Variants in CLHC1 observed in about 807,000 individuals in gnomAD.
CLHC1 encodes clathrin heavy chain linker domain-containing protein 1.
CLHC1 carries 72 observed loss-of-function variants against 69.5 expected under a neutral mutation model. The ratio of observed to expected loss-of-function variants is 1.04; its 90% confidence interval spans 0.86 to 1.26. The LOEUF is 1.26. Ranked by LOEUF, CLHC1 falls within the 50% of genes most tolerant of loss-of-function variation. CLHC1 has a pLI of 0.00. For synonymous variants in CLHC1, 223 were observed against 224.3 expected (o/e 0.99, Z 0.05); for missense variants, 790 against 679.3 (o/e 1.16, Z -1.81).
Position 55,206,295 on chromosome 2 carries a change from G to T in CLHC1, c.981C>A (p.Asn327Lys), listed in dbSNP as rs143379405. ...AANSPRRILR[N>K]IGTMNTFKAV... is the part of the protein sequence containing the mutation. ...CCTTAAATGTATTCATTGTACCAAT[G>T]TTTCGAAGAATTCTTCTAGGACTGT... is the stretch of plus-strand genomic sequence containing the variant. Residue 327 changes from asparagine to lysine, a missense_variant, in exon 9 of 13, where the codon AAC becomes AAA. Physicochemically the swap from Asn to Lys is moderately conservative, Grantham distance 94. Transcript: ENST00000401408. 17 of 1,604,746 alleles carry T rather than the reference G, an allele frequency of 1.1e-5. No homozygotes were observed. The highest frequency in any genetic ancestry group is 1.3e-5 in the African/African-American group (1 of 74,714).
chr2:55,179,170 T>C (rs1055845621), intron 11 of CLHC1, among the ~76,000 whole-genome samples: 5 of 152,124 alleles, frequency 3.3e-5, no homozygotes, highest in African/African-American at 1.2e-4. Flanking sequence ...AAAATAATAG[T>C]TAACAACACA....
At chr2:55,194,768 T>C (rs1671241146) in intron 9 of CLHC1, among the ~76,000 whole-genome samples, 2 of 152,138 alleles carry the variant, frequency 1.3e-5, no homozygotes, top group African/African-American at 4.8e-5. Context: ...TGTATATCTG[T>C]ATATATTTAA....
At chr2:55,217,558 T>C (rs1472278852) in intron 4 of CLHC1, among the ~76,000 whole-genome samples, 1 of 42,412 alleles carries the variant, frequency 2.4e-5, no homozygotes, top group African/African-American at 1.5e-4. Context: ...AAAAAATATA[T>C]ATATATATAT....
intron 9 of CLHC1, among the ~76,000 whole-genome samples, chr2:55,204,015 T>C (rs1458653309): frequency 6.6e-6 from 1 of 152,142 alleles, no homozygotes; most frequent in African/African-American, 2.4e-5. Flanking sequence ...CCAGGTGAGG[T>C]GGTTCACACC....
At chr2:55,206,407 A>G (rs1157297648) in intron 8 of CLHC1, 31 bp from the exon 9 acceptor site, 2 of 1,212,510 alleles carry the variant, frequency 1.6e-6, no homozygotes, top group Non-Finnish European at 2.4e-6. Flanking sequence ...AATGCATTAT[A>G]ATGACACAAA....
At position 55,173,933 on chromosome 2, in the gene CLHC1, C is replaced by A. The variant is rs1003158280; in HGVS notation, c.*1857G>T. Among the ~76,000 whole-genome samples the A allele has an allele frequency of 7.3e-5, 11 of 150,658 alleles. No individual in the cohort carries two copies. Among genetic ancestry groups the A allele is most frequent in the African/African-American group, 2.7e-4 (11 of 40,814 alleles). On this transcript the variant is annotated 3_prime_UTR_variant, in exon 13 of 13. Transcript: ENST00000401408. ...TTATATACCTACTTTATCCTCCTGG[C>A]TTTCATGAAGACATTTTTTTTTCTA...
chr2:55,191,627 C>G lies in CLHC1; in HGVS notation c.1007-9883G>C, dbSNP rs372435212. On this transcript the variant is annotated intron_variant, in intron 9 of 12. Coordinates refer to ENST00000401408, the MANE Select transcript of CLHC1 (RefSeq NM_152385.4). Reference sequence around the variant, plus strand: ...TGTGTAGTGTTTTTATTCTATACATCAAGTGGTATAATATCACTTGAGAAT... The same window carrying G: ...TGTGTAGTGTTTTTATTCTATACATGAAGTGGTATAATATCACTTGAGAAT... Among the ~76,000 whole-genome samples the G allele has an allele frequency of 3.2e-4, 49 of 152,110 alleles. 2 individuals are homozygous for G. The East Asian group carries it at 9.3e-3, about 29-fold the overall frequency.
intron 5 of CLHC1, among the ~76,000 whole-genome samples, chr2:55,211,591 G>T (rs760486121): frequency 6.7e-6 from 1 of 149,682 alleles, no homozygotes; most frequent in Non-Finnish European, 1.5e-5. Flanking sequence ...AAATCCTTTA[G>T]TATAGAGTAG....
intron 9 of CLHC1, among the ~76,000 whole-genome samples, chr2:55,197,920 A>C (rs967470546): frequency 6.6e-6 from 1 of 152,216 alleles, no homozygotes. Flanking sequence ...AATTCAAAAT[A>C]GCTGTTTTGA....
intron 3 of CLHC1, among the ~76,000 whole-genome samples, chr2:55,221,317 C>G (rs184073062): frequency 6.6e-6 from 1 of 152,284 alleles, no homozygotes. Context: ...GATTGGTGGG[C>G]AAACTGCAAT....
rs896404381 is a variant in CLHC1 at position 55,175,700 on chromosome 2, A to C, written c.*90T>G. 110 of 783,256 alleles carry C rather than the reference A, an allele frequency of 1.4e-4. No homozygotes were observed. The Middle Eastern group carries it at 2.9e-3, about 20-fold the overall frequency. The allele number at this position is 783,256 out of a possible 1,614,324, so 48.5% of individuals were successfully genotyped here. A position where few individuals can be genotyped will look rare whatever the true frequency, so the allele number is the denominator to read the frequency against. Reference sequence around the variant, plus strand: ...TCTGAGATCTTCTTACTCTAGATTTATTTATAAGTTAGTTACGTTAAAATC... The same window carrying C: ...TCTGAGATCTTCTTACTCTAGATTTCTTTATAAGTTAGTTACGTTAAAATC... On this transcript the variant is annotated 3_prime_UTR_variant, in exon 13 of 13. Transcript: ENST00000401408.
chr2:55,229,722 T>C (rs1675079623), intron 1 of CLHC1, among the ~76,000 whole-genome samples: 1 of 152,190 alleles, frequency 6.6e-6, no homozygotes, highest in African/African-American at 2.4e-5. Flanking sequence ...CTGAGTGAGA[T>C]TCGAAGCCTT....
intron 9 of CLHC1, among the ~76,000 whole-genome samples, chr2:55,200,139 G>A (rs1671800259): frequency 6.8e-6 from 1 of 147,362 alleles, no homozygotes; most frequent in South Asian, 2.1e-4. Context: ...GAGATGGTAG[G>A]ATCACTTGAG....
At position 55,217,873 on chromosome 2, in the gene CLHC1, A is replaced by G. The variant is rs1287763595; in HGVS notation, c.303T>C (p.Gly101=). The G allele has an allele frequency of 6.2e-7, 1 of 1,606,546 alleles. No individual in the cohort carries two copies. Among genetic ancestry groups the G allele is most frequent in the East Asian group, 2.3e-5 (1 of 44,262 alleles). The change falls in exon 4 of 13, where the codon GGT becomes GGC. Residue 101 remains glycine, a synonymous_variant. Transcript: ENST00000401408. ...TTFCLHGKLK[G]LAAEPTALVY... ...CCAAAGCTGTAGGCTCTGCTGCCAAACCTTTAAGTTTTCCATGAAGACAAA... is the reference window on the plus strand; with the variant it reads ...CCAAAGCTGTAGGCTCTGCTGCCAAGCCTTTAAGTTTTCCATGAAGACAAA...
chr2:55,225,148 A>C (rs1674569258), intron 2 of CLHC1: 1 of 152,958 alleles, frequency 6.5e-6, no homozygotes, highest in Non-Finnish European at 1.5e-5. Flanking sequence ...GATGTGACTA[A>C]GAGGGATGAC....
Position 55,175,032 on chromosome 2 carries a change from C to A in CLHC1, c.*758G>T, listed in dbSNP as rs1669261208. 6.6e-6 allele frequency: 1 copy of A among 152,086 alleles called. No individual in the cohort carries two copies. 9.4% of individuals were successfully genotyped at this position (152,086 alleles called of 1,614,324 possible). A position where few individuals can be genotyped will look rare whatever the true frequency, so the allele number is the denominator to read the frequency against. On this transcript the variant is annotated 3_prime_UTR_variant, in exon 13 of 13. Coordinates refer to ENST00000401408, the MANE Select transcript of CLHC1 (RefSeq NM_152385.4). The stretch of plus-strand genomic sequence containing the variant: ...AGGTATCTGTTCTGCTTGATTTGTG[C>A]CCATGCCATACTAATCATTAAATAT...
At chr2:55,222,589 A>C (rs1053031899) in intron 2 of CLHC1, 96 bp from the exon 3 acceptor site, 19 of 513,336 alleles carry the variant, frequency 3.7e-5, no homozygotes, top group Non-Finnish European at 5.7e-5. Flanking sequence ...AAAATTTCCT[A>C]TCTGTCTCTG....
rs1669832662 is a variant in CLHC1, at chr2:55,180,559, C to G, written c.1335G>C (p.Gln445His). Residue 445 changes from glutamine (Q) to histidine (H), a missense_variant, in exon 11 of 13, where the codon CAG becomes CAC. Physicochemically the swap from Gln to His is conservative, Grantham distance 24 (BLOSUM62 0). Coordinates refer to ENST00000401408, the MANE Select transcript of CLHC1 (RefSeq NM_152385.4). Reference protein sequence around the residue: ...KAILCLCKQGQTHRVMEYIQQ... With the variant: ...KAILCLCKQGHTHRVMEYIQQ... Reference sequence around the variant, plus strand: ...GTATGTACTCCATGACCCTATGAGTCTGACCCTGTTTACACAAGCAAAGAA... The same window carrying G: ...GTATGTACTCCATGACCCTATGAGTGTGACCCTGTTTACACAAGCAAAGAA... 1 of 1,614,104 alleles carries G rather than the reference C, an allele frequency of 6.2e-7. No homozygotes were observed. Among genetic ancestry groups the G allele is most frequent in the Non-Finnish European group, 8.5e-7 (1 of 1,180,006 alleles).
chr2:55,209,378 C>T (rs747453163), intron 7 of CLHC1, 26 bp downstream of exon 7: 4 of 1,405,866 alleles, frequency 2.8e-6, no homozygotes, highest in Non-Finnish European at 4.0e-6. Context: ...ATTATTGGTA[C>T]TAATTTAAAA....
Sources: allele counts gnomAD v4.1 joint callset (sites outside exome capture counted in the v4.1 genomes callset), GRCh38; gene constraint gnomAD v4.1.1; transcripts MANE v1.5; gene names NCBI Gene and HGNC (gene_info 2026-07-23, HGNC 2026-07-21).